The following LRMDA variants were observed in gnomAD, a reference collection of about 807,000 sequenced individuals.
The protein encoded by LRMDA is leucine rich melanocyte differentiation associated.
A neutral mutation model predicts 29.8 loss-of-function variants in LRMDA; 18 were observed. That is an observed-to-expected ratio of 0.60 (90% CI 0.42 to 0.90). LRMDA has a LOEUF of 0.90. Ranked by LOEUF, LRMDA falls within the 40% of genes least tolerant of loss-of-function variation. The pLI is 0.00. For synonymous variants in LRMDA, 125 were observed against 109.4 expected (o/e 1.14, Z -0.89); for missense variants, 273 against 273.9 (o/e 1.00, Z 0.02).
chr10:75,983,625 A>G (rs1847212075), intron 2 of LRMDA, among the ~76,000 whole-genome samples: 1 of 152,160 alleles, frequency 6.6e-6, no homozygotes, highest in South Asian at 2.1e-4. Flanking sequence ...ATATGTGTGC[A>G]TATACATACG....
intron 2 of LRMDA, among the ~76,000 whole-genome samples, chr10:75,744,615 G>C (rs752898805): frequency 6.6e-6 from 1 of 152,200 alleles, no homozygotes; most frequent in Non-Finnish European, 1.5e-5. Flanking sequence ...ACCTGAGATG[G>C]AGACAGAAGG....
chr10:76,340,725 A>G (rs1037479880), intron 6 of LRMDA, among the ~76,000 whole-genome samples: 15 of 152,120 alleles, frequency 9.9e-5, no homozygotes, highest in African/African-American at 3.6e-4. Flanking sequence ...GAGAAGGACT[A>G]TTCTACATTC....
At chr10:75,986,247 A>C (rs910828567) in intron 2 of LRMDA, among the ~76,000 whole-genome samples, 3 of 152,204 alleles carry the variant, frequency 2.0e-5, no homozygotes, top group African/African-American at 7.2e-5. Context: ...GGGTAATATA[A>C]CAACTACAAT....
At chr10:75,970,569 T>C (rs562003010) in intron 2 of LRMDA, among the ~76,000 whole-genome samples, 2 of 152,362 alleles carry the variant, frequency 1.3e-5, no homozygotes, top group African/African-American at 2.4e-5. Flanking sequence ...CTTTCTAGCT[T>C]GTGCATTTTA....
chr10:75,800,927 AGTTT>A lies in LRMDA; in HGVS notation c.132-235074_132-235071del, dbSNP rs1190349903. On this transcript the variant is annotated intron_variant, in intron 2 of 6. Coordinates refer to ENST00000611255, the MANE Select transcript of LRMDA (RefSeq NM_001305581.2). Reference sequence around the variant, plus strand: ...TGGCTGACTACCTTGAACTTGGGAAAGTTTGTTTGTACACTTTGTTAGGGAAGCT... The same window carrying A: ...TGGCTGACTACCTTGAACTTGGGAAAGTTTGTACACTTTGTTAGGGAAGCT... Among the ~76,000 whole-genome samples, 3 of 152,318 alleles carry A rather than the reference AGTTT, an allele frequency of 2.0e-5. No individual in the cohort carries two copies. In the East Asian group the frequency reaches 5.8e-4, roughly 29 times the overall value.
At chr10:75,917,904 G>A (rs1216019870) in intron 2 of LRMDA, among the ~76,000 whole-genome samples, 3 of 152,114 alleles carry the variant, frequency 2.0e-5, no homozygotes, top group Admixed American at 6.5e-5. Flanking sequence ...TGCAGGGAAG[G>A]CTCACAGGCT....
At chr10:75,670,418 A>G (rs1841877065) in intron 2 of LRMDA, among the ~76,000 whole-genome samples, 1 of 152,198 alleles carries the variant, frequency 6.6e-6, no homozygotes. Context: ...GTAAATAGAA[A>G]AACATGGCTA....
chr10:75,442,322 A>T (rs1354202271), intron 2 of LRMDA, among the ~76,000 whole-genome samples: 1 of 152,250 alleles, frequency 6.6e-6, no homozygotes, highest in Non-Finnish European at 1.5e-5. Flanking sequence ...TATACAATAC[A>T]GTAATATTAA....
rs1196102794 is a variant in LRMDA at position 75,631,325 on chromosome 10, TTCTTTTGCAGTTTCTCTA to T, written c.131+192847_131+192864del. On this transcript the variant is annotated intron_variant, in intron 2 of 6. Transcript: ENST00000611255. The stretch of plus-strand genomic sequence containing the variant: ...GCCACCTGGAGAAAAGAACCCCAGC[TTCTTTTGCAGTTTCTCTA>T]TCTTTTGCAGTTTCTGCTCATGACT... Among the ~76,000 whole-genome samples, 6 of 152,048 alleles carry T rather than the reference TTCTTTTGCAGTTTCTCTA, an allele frequency of 3.9e-5. 1 individual carries two copies. Among genetic ancestry groups the T allele is most frequent in the South Asian group, 4.2e-4 (2 of 4,810 alleles).
At chr10:75,857,741 T>C (rs1844852312) in intron 2 of LRMDA, among the ~76,000 whole-genome samples, 1 of 152,232 alleles carries the variant, frequency 6.6e-6, no homozygotes, top group South Asian at 2.1e-4. Context: ...ATGTTTTTCT[T>C]GTTTATACAG....
chr10:76,186,135 G>C (rs190417105), intron 5 of LRMDA, among the ~76,000 whole-genome samples: 1 of 152,216 alleles, frequency 6.6e-6, no homozygotes. Context: ...TTTAGCCTGA[G>C]GTGTGGAATG....
intron 2 of LRMDA, among the ~76,000 whole-genome samples, chr10:75,572,491 A>G (rs1033523652): frequency 2.0e-5 from 3 of 152,230 alleles, no homozygotes; most frequent in East Asian, 1.9e-4. Context: ...TTGAGTGACT[A>G]TTTTACCAAT....
At chr10:75,881,390 T>C (rs1845290439) in intron 2 of LRMDA, among the ~76,000 whole-genome samples, 1 of 152,124 alleles carries the variant, frequency 6.6e-6, no homozygotes, top group Non-Finnish European at 1.5e-5. Context: ...CTAACGCCGA[T>C]TCACGCTGAC....
chr10:75,683,428 G>C (rs2454814), intron 2 of LRMDA, among the ~76,000 whole-genome samples: 135,356 of 152,284 alleles, frequency 0.89, 60,195 homozygotes, highest in East Asian at 0.97. Flanking sequence ...AAACTTGCTG[G>C]AGAACTGGGC....
At chr10:76,263,462 C>T (rs1454811611) in intron 5 of LRMDA, among the ~76,000 whole-genome samples, 2 of 152,116 alleles carry the variant, frequency 1.3e-5, no homozygotes, top group African/African-American at 2.4e-5. Context: ...GGCATTGTTT[C>T]CAGGTTTGCA....
At chr10:75,797,045 G>GT (rs1201343395) in intron 2 of LRMDA, among the ~76,000 whole-genome samples, 5 of 151,778 alleles carry the variant, frequency 3.3e-5, no homozygotes, top group Admixed American at 6.6e-5. Context: ...GTAATTTTGG[G>GT]TTTTTTTTCT....
rs201600868 is a variant in LRMDA, at chr10:75,556,231, G to GA, written c.131+117746dup. Among the ~76,000 whole-genome samples, 1,194 of 150,348 alleles carry GA rather than the reference G, an allele frequency of 7.9e-3. 7 individuals are homozygous for GA. Among genetic ancestry groups the GA allele is most frequent in the Middle Eastern group, 0.055 (16 of 292 alleles). ...CGCATCTTGGTTAAACTTCCAAAAA[G>GA]AAAAAAAAATCAAGATTGAAAACAA... On this transcript the variant is annotated intron_variant, in intron 2 of 6. Transcript: ENST00000611255.
chr10:76,055,063 C>CAAA (rs531729040), intron 4 of LRMDA, among the ~76,000 whole-genome samples: 140 of 45,888 alleles, frequency 3.1e-3, no homozygotes, highest in African/African-American at 4.2e-3. Flanking sequence ...GACTCCATCT[C>CAAA]AAAAAAAAAA....
intron 2 of LRMDA, among the ~76,000 whole-genome samples, chr10:75,896,414 AGTT>A (rs1326288289): frequency 2.6e-5 from 4 of 152,184 alleles, no homozygotes; most frequent in East Asian, 1.9e-4. Flanking sequence ...ATGATCCAAA[AGTT>A]GTTGTTTTTT....
Sources: gnomAD v4.1 joint callset for allele counts (sites outside exome capture counted in the v4.1 genomes callset) on GRCh38, gnomAD v4.1.1 for gene constraint, MANE v1.5 for transcripts, NCBI Gene and HGNC (gene_info 2026-07-23, HGNC 2026-07-21) for gene names.